Variants in PARD3B observed in about 807,000 individuals in gnomAD.
The protein encoded by PARD3B is partitioning defective 3 homolog B.
In PARD3B, 103 loss-of-function variants were observed where a neutral mutation model predicts 130.2. That is an observed-to-expected ratio of 0.79 (90% confidence interval 0.67 to 0.93). The LOEUF is 0.93. Ranked by LOEUF, PARD3B falls within the 40% of genes least tolerant of loss-of-function variation. PARD3B has a pLI of 0.00. For missense variants in PARD3B, 1,609 were observed against 1,499.2 expected, an observed-to-expected ratio of 1.07 and a Z score of -1.21; for synonymous variants, 583 against 553.2, an observed-to-expected ratio of 1.05 and a Z score of -0.76.
chr2:205,016,042 C>T (rs1372877317), intron 3 of PARD3B, among the ~76,000 whole-genome samples: 7 of 152,208 alleles, frequency 4.6e-5, no homozygotes, highest in African/African-American at 1.7e-4. Flanking sequence ...TCAAAACTGT[C>T]TCTTTGTCTG....
intron 2 of PARD3B, among the ~76,000 whole-genome samples, chr2:204,783,667 G>A (rs1227089887): frequency 6.6e-6 from 1 of 152,036 alleles, no homozygotes; most frequent in Non-Finnish European, 1.5e-5. Context: ...CACTCATTTA[G>A]GGACAACCTA....
At chr2:205,058,117 A>G (rs1024583376) in intron 4 of PARD3B, among the ~76,000 whole-genome samples, 1 of 151,546 alleles carries the variant, frequency 6.6e-6, no homozygotes, top group African/African-American at 2.4e-5. Context: ...TTTTCTCCCT[A>G]TGATTTTGAC....
intron 1 of PARD3B, among the ~76,000 whole-genome samples, chr2:204,596,937 T>TCTCC (rs1250443043): frequency 6.6e-6 from 1 of 151,684 alleles, no homozygotes; most frequent in Admixed American, 6.6e-5. Context: ...TCTCTCTCTC[T>TCTCC]CTATCTGTCT....
Position 204,998,378 on chromosome 2 carries a change from A to G in PARD3B, c.394+33055A>G, listed in dbSNP as rs1443557379. 2.1e-3 allele frequency among the ~76,000 whole-genome samples: 136 copies of G among 64,802 alleles called. 7 individuals are homozygous for G. The highest frequency in any genetic ancestry group is 3.4e-3 in the East Asian group (9 of 2,638). 42.5% of individuals were successfully genotyped at this position (64,802 alleles called of 152,430 possible). Reference sequence around the variant, plus strand: ...TATATATGTGTGTGTGTGTGTGTATATATGTGTGTGTATATATGTATATAT... The same window carrying G: ...TATATATGTGTGTGTGTGTGTGTATGTATGTGTGTGTATATATGTATATAT... On this transcript the variant is annotated intron_variant, in intron 3 of 22. Coordinates refer to ENST00000406610, the MANE Select transcript of PARD3B (RefSeq NM_001302769.2).
At chr2:204,977,419 G>A (rs2125195570) in intron 3 of PARD3B, among the ~76,000 whole-genome samples, 1 of 152,200 alleles carries the variant, frequency 6.6e-6, no homozygotes, top group Non-Finnish European at 1.5e-5. Flanking sequence ...GGTGCCAACA[G>A]GAAACGGCAT....
rs1221842844 is a variant in PARD3B, at chr2:205,300,591, T to C, written c.2247T>C (p.Ser749=). Residue 749 remains serine (S), a synonymous_variant, in exon 17 of 23, where the codon AGT becomes AGC. Transcript: ENST00000406610. The surrounding 1 kb of genome is among the most constrained non-coding windows in gnomAD (Gnocchi z 4.1). ...LGLKKSSSLE[S]LQTAVAEVRK... is the part of the protein sequence containing the mutation. The stretch of plus-strand genomic sequence containing the variant: ...TGAAAAAGTCCAGCTCCTTGGAGAG[T>C]CTGCAGACTGCAGTGGCCGAGGTCA... 6.2e-7 allele frequency: 1 copy of C among 1,613,832 alleles called. No individual in the cohort carries two copies.
intron 21 of PARD3B, among the ~76,000 whole-genome samples, chr2:205,510,598 A>G (rs2050552909): frequency 6.6e-6 from 1 of 152,138 alleles, no homozygotes; most frequent in African/African-American, 2.4e-5. Flanking sequence ...TTCATCCCTG[A>G]CCCTGGGGGC....
chr2:205,411,632 A>G (rs1230263455), intron 19 of PARD3B, among the ~76,000 whole-genome samples: 1 of 152,154 alleles, frequency 6.6e-6, no homozygotes, highest in Non-Finnish European at 1.5e-5. Flanking sequence ...GGGAGCCTAG[A>G]ATGCTCTGAG....
intron 15 of PARD3B, among the ~76,000 whole-genome samples, chr2:205,213,462 A>G (rs1219416372): frequency 2.0e-5 from 3 of 152,128 alleles, no homozygotes; most frequent in Non-Finnish European, 4.4e-5. Flanking sequence ...ACTAAATCCA[A>G]GATGAATGAG....
At chr2:204,750,843 T>A (rs560053145) in intron 2 of PARD3B, among the ~76,000 whole-genome samples, 73 of 152,322 alleles carry the variant, frequency 4.8e-4, no homozygotes, top group African/African-American at 1.7e-3. Flanking sequence ...TATAATATCT[T>A]CATCAGATTT....
At chr2:205,413,434 G>A (rs2046669144) in intron 19 of PARD3B, among the ~76,000 whole-genome samples, 1 of 152,050 alleles carries the variant, frequency 6.6e-6, no homozygotes, top group African/African-American at 2.4e-5. Flanking sequence ...CACAGAATAG[G>A]CACTCAATAA....
intron 21 of PARD3B, among the ~76,000 whole-genome samples, chr2:205,508,115 C>G (rs1181772344): frequency 2.0e-5 from 3 of 152,136 alleles, no homozygotes; most frequent in African/African-American, 7.2e-5. Flanking sequence ...ACAATTCACC[C>G]CAGGAGAAGC....
At chr2:205,082,112 G>T (rs1701453584) in intron 4 of PARD3B, among the ~76,000 whole-genome samples, 2 of 152,094 alleles carry the variant, frequency 1.3e-5, no homozygotes, top group South Asian at 4.1e-4. Context: ...GGTCATTCAA[G>T]AAATATGTCA....
At chr2:205,035,332 T>C (rs530602017) in intron 3 of PARD3B, among the ~76,000 whole-genome samples, 2 of 152,322 alleles carry the variant, frequency 1.3e-5, no homozygotes, top group South Asian at 4.1e-4. Context: ...ACTATGAAAC[T>C]GCTACAGGTT....
intron 10 of PARD3B, among the ~76,000 whole-genome samples, chr2:205,138,317 T>C (rs1457175613): frequency 2.0e-5 from 3 of 152,198 alleles, no homozygotes; most frequent in Non-Finnish European, 4.4e-5. Flanking sequence ...GCAGCGTTTT[T>C]ACCTAAAACA....
In PARD3B at chr2:205,176,639, A is replaced by G. The variant is rs572241070; in HGVS notation, c.1924+62A>G. The G allele has an allele frequency of 3.8e-6, 5 of 1,306,688 alleles. No individual in the cohort carries two copies. In the Admixed American group the frequency reaches 1.3e-4, roughly 35 times the overall value. 80.9% of individuals were successfully genotyped at this position (1,306,688 alleles called of 1,614,324 possible). A position where few individuals can be genotyped will look rare whatever the true frequency, so the allele number is the denominator to read the frequency against. ...TGAGAAAACACAAAAGTGTCTTTTT[A>G]TCTAAAAAAAAAAAAAAAGAGTAAA... On this transcript the variant is annotated intron_variant, in intron 13 of 22. Coordinates refer to ENST00000406610, the MANE Select transcript of PARD3B (RefSeq NM_001302769.2). The surrounding 1 kb of genome is among the most constrained non-coding windows in gnomAD (Gnocchi z 5.3).
rs986139970 is a variant in PARD3B, at chr2:205,146,524, G to A, written c.1435-12198G>A. On this transcript the variant is annotated intron_variant, in intron 10 of 22. Transcript: ENST00000406610. The surrounding 1 kb of genome is among the most constrained non-coding windows in gnomAD (Gnocchi z 4.3). ...CATTTATCTGGGCGTGGTGGCGGGC[G>A]CCTGTAGTCCCAGCTACTCGGGAGG... Among the ~76,000 whole-genome samples the A allele has an allele frequency of 2.0e-5, 3 of 151,774 alleles. No homozygotes were observed. Among genetic ancestry groups the A allele is most frequent in the South Asian group, 2.1e-4 (1 of 4,784 alleles).
intron 2 of PARD3B, among the ~76,000 whole-genome samples, chr2:204,821,851 A>G (rs1298204336): frequency 6.6e-6 from 1 of 152,106 alleles, no homozygotes; most frequent in African/African-American, 2.4e-5. Context: ...GCCATGTGGA[A>G]CTGTAAGTCC....
chr2:205,067,134 G>A (rs1455996065), intron 4 of PARD3B, among the ~76,000 whole-genome samples: 6 of 50,974 alleles, frequency 1.2e-4, no homozygotes, highest in Non-Finnish European at 2.4e-4. Flanking sequence ...TGGTTTATAG[G>A]CATTGGAAAT....
Sources: gnomAD v4.1 joint callset for allele counts (sites outside exome capture counted in the v4.1 genomes callset) on GRCh38, gnomAD v4.1.1 for gene constraint, Gnocchi (gnomAD v3.1) non-coding constraint, MANE v1.5 for transcripts, NCBI Gene and HGNC (gene_info 2026-07-23, HGNC 2026-07-21) for gene names.